Variants in MALT1 observed in about 807,000 individuals in gnomAD.
The protein encoded by MALT1 is mucosa-associated lymphoid tissue lymphoma translocation protein 1.
In MALT1, 36 loss-of-function variants were observed where a neutral mutation model predicts 85.5. The observed-to-expected ratio is 0.42, with a 90% CI of 0.32 to 0.56. MALT1 has a LOEUF of 0.56. MALT1 is among the 20% of genes least tolerant of loss of function. The probability of loss-of-function intolerance (pLI) is 0.10; values close to 1 mark genes in which losing one functional copy is unlikely to be tolerated. For synonymous variants in MALT1, 359 were observed against 361.3 expected, an observed-to-expected ratio of 0.99 and a Z score of 0.07; for missense variants, 716 against 981.6, an observed-to-expected ratio of 0.73 and a Z score of 3.62.
At chr18:58,682,489 C>T (rs555976912) in intron 2 of MALT1, among the ~76,000 whole-genome samples, 23 of 152,334 alleles carry the variant, frequency 1.5e-4, no homozygotes, top group Admixed American at 4.6e-4. Flanking sequence ...ATGACTGACT[C>T]TCCACATAGC....
intron 1 of MALT1, among the ~76,000 whole-genome samples, chr18:58,673,541 G>A (rs900521119): frequency 6.6e-6 from 1 of 151,754 alleles, no homozygotes; most frequent in East Asian, 1.9e-4. Context: ...TACAACCTCC[G>A]CCTCCCAGGT....
intron 4 of MALT1, among the ~76,000 whole-genome samples, chr18:58,702,039 T>G (rs2144365573): frequency 6.6e-6 from 1 of 152,184 alleles, no homozygotes; most frequent in African/African-American, 2.4e-5. Flanking sequence ...CTCTGAAGGA[T>G]TCTTGATATC....
intron 1 of MALT1, among the ~76,000 whole-genome samples, chr18:58,679,369 C>T (rs1042520847): frequency 2.0e-5 from 3 of 152,166 alleles, no homozygotes; most frequent in African/African-American, 7.2e-5. Flanking sequence ...GCTTTGCAGC[C>T]AGGTATTCAG....
chr18:58,714,508 G>T (rs992868272), intron 8 of MALT1, among the ~76,000 whole-genome samples: 1 of 152,144 alleles, frequency 6.6e-6, no homozygotes, highest in African/African-American at 2.4e-5. Flanking sequence ...TTTTCTTGGT[G>T]CCTCAGTCAT....
At chr18:58,744,286 G>C in intron 14 of MALT1, 52 bp from the exon 15 acceptor site, 1 of 1,230,696 alleles carries the variant, frequency 8.1e-7, no homozygotes, top group Non-Finnish European at 1.1e-6. Flanking sequence ...ATAAATATTT[G>C]CCTCTTATCA....
intron 10 of MALT1, among the ~76,000 whole-genome samples, chr18:58,730,466 T>G (rs569840990): frequency 5.8e-4 from 88 of 152,380 alleles, no homozygotes; most frequent in African/African-American, 2.0e-3. Context: ...TCATTCATAT[T>G]GTAGCATGTA....
At position 58,690,707 on chromosome 18, in the gene MALT1, C is replaced by G. The variant is rs191182206; in HGVS notation, c.377-5659C>G. The G allele has an allele frequency of 8.5e-4, 169 of 199,964 alleles. 1 individual carries two copies. In the East Asian group the frequency reaches 0.02, roughly 23 times the overall value. 12.4% of individuals were successfully genotyped at this position (199,964 alleles called of 1,614,324 possible). A position where few individuals can be genotyped will look rare whatever the true frequency, so the allele number is the denominator to read the frequency against. On this transcript the variant is annotated intron_variant, in intron 2 of 16. Transcript: ENST00000649217. ...TCACGAGCAGCCACCATACAAAGAC[C>G]AGGCCTGCTATGTCTTTCACCAGCG...
Position 58,749,991 on chromosome 18 carries a change from G to A in MALT1, c.*2149G>A, listed in dbSNP as rs2055425237. ...CAGTTAGGTTAGGAATTCAAGGTTT[G>A]TTCAACATCTAAAAATCAAATAAGC... On this transcript the variant is annotated 3_prime_UTR_variant, in exon 17 of 17. Transcript: ENST00000649217. 4.9e-6 allele frequency: 1 copy of A among 203,200 alleles called. No individual in the cohort carries two copies. The highest frequency in any genetic ancestry group is 2.3e-5 in the African/African-American group (1 of 43,676). The allele number at this position is 203,200 out of a possible 1,614,324, so 12.6% of individuals were successfully genotyped here.
chr18:58,697,879 C>T (rs1285987625), intron 3 of MALT1, among the ~76,000 whole-genome samples: 3 of 152,138 alleles, frequency 2.0e-5, no homozygotes, highest in Admixed American at 6.6e-5. Flanking sequence ...ACCAGAAGGT[C>T]TCTGCCCTCA....
At chr18:58,729,261 A>G (rs1159666556) in intron 10 of MALT1, among the ~76,000 whole-genome samples, 1 of 152,074 alleles carries the variant, frequency 6.6e-6, no homozygotes, top group African/African-American at 2.4e-5. Context: ...AGGCCGAGGC[A>G]GGCAGATCAC....
chr18:58,680,795 C>T (rs991977628), intron 1 of MALT1, among the ~76,000 whole-genome samples: 5 of 151,578 alleles, frequency 3.3e-5, no homozygotes, highest in African/African-American at 7.3e-5. Flanking sequence ...CGGTGGCGGG[C>T]GCCTGTAGTC....
intron 9 of MALT1, among the ~76,000 whole-genome samples, 185 bp downstream of exon 9, chr18:58,716,152 T>C (rs1049149727): frequency 1.3e-5 from 2 of 152,174 alleles, no homozygotes; most frequent in African/African-American, 4.8e-5. Context: ...ACAAATTCAG[T>C]TTCTAGGGTC....
intron 13 of MALT1, among the ~76,000 whole-genome samples, chr18:58,736,442 TAA>T (rs34656371): frequency 2.1e-4 from 30 of 145,268 alleles, no homozygotes; most frequent in Admixed American, 2.1e-4. Context: ...TCTGCTGCTT[TAA>T]AAAAAAAAAA....
In MALT1 at chr18:58,747,397, C is replaced by G. The variant is rs961599199; in HGVS notation, c.2038-8C>G. 1 of 1,578,758 alleles carries G rather than the reference C, an allele frequency of 6.3e-7. No homozygotes were observed. The highest frequency in any genetic ancestry group is 1.4e-5 in the African/African-American group (1 of 73,178). ...GCCAATAATAAACCAGATTTTTTTC[C>G]TTTTCAGGAACATCTAGTCTTCACA... On this transcript the variant is annotated splice_region_variant and splice_polypyrimidine_tract_variant and intron_variant, in intron 16 of 16. Transcript: ENST00000649217.
chr18:58,747,373 C>T, intron 16 of MALT1, 32 bp from the exon 17 acceptor site: 3 of 1,399,344 alleles, frequency 2.1e-6, no homozygotes, highest in Non-Finnish European at 3.0e-6. Flanking sequence ...ACTGTTGATG[C>T]CAATAATAAA....
chr18:58,741,191 CCAATCTGAT>C, intron 13 of MALT1, among the ~76,000 whole-genome samples: 2 of 152,072 alleles, frequency 1.3e-5, no homozygotes, highest in South Asian at 4.1e-4. Flanking sequence ...TGTTTAAAAT[CCAATCTGAT>C]AATCTTGGTC....
At position 58,712,733 on chromosome 18, in the gene MALT1, C is replaced by A. The variant is rs2054847911; in HGVS notation, c.959-1350C>A. ...TCTGAGATGATGGATATCCTAAATACCCTGATTTGATCATTATATATCATA... is the reference window on the plus strand; with the variant it reads ...TCTGAGATGATGGATATCCTAAATAACCTGATTTGATCATTATATATCATA... On this transcript the variant is annotated intron_variant, in intron 7 of 16. Coordinates refer to ENST00000649217, the MANE Select transcript of MALT1 (RefSeq NM_006785.4). Among the ~76,000 whole-genome samples, 3 of 152,046 alleles carry A rather than the reference C, an allele frequency of 2.0e-5. No individual in the cohort carries two copies. The South Asian group carries it at 6.2e-4, about 32-fold the overall frequency.
Position 58,700,634 on chromosome 18 carries a change from A to G in MALT1, c.649+43A>G, listed in dbSNP as rs201100757. On this transcript the variant is annotated intron_variant, in intron 4 of 16. Transcript: ENST00000649217. ...CTGAATGTTGGGATGGGGATTCCCC[A>G]TATTTTATTTTATTTTAAATGTTTA... The G allele has an allele frequency of 1.5e-5, 22 of 1,509,216 alleles. No individual in the cohort carries two copies. In the African/African-American group the frequency reaches 1.9e-4, roughly 13 times the overall value. 93.5% of individuals were successfully genotyped at this position (1,509,216 alleles called of 1,614,324 possible). A position where few individuals can be genotyped will look rare whatever the true frequency, so the allele number is the denominator to read the frequency against.
intron 10 of MALT1, among the ~76,000 whole-genome samples, chr18:58,732,015 C>T (rs1176735778): frequency 6.6e-6 from 1 of 152,118 alleles, no homozygotes; most frequent in Non-Finnish European, 1.5e-5. Flanking sequence ...AGCAGACGAC[C>T]TGGATTTTGT....
Sources: gnomAD v4.1 joint callset for allele counts (sites outside exome capture counted in the v4.1 genomes callset) on GRCh38, gnomAD v4.1.1 for gene constraint, MANE v1.5 for transcripts, NCBI Gene and HGNC (gene_info 2026-07-23, HGNC 2026-07-21) for gene names.